The following NAALADL2 variants were observed in gnomAD, a reference collection of about 807,000 sequenced individuals.
NAALADL2 encodes the protein N-acetylated alpha-linked acidic dipeptidase like 2.
NAALADL2 carries 76 observed loss-of-function variants against 87.2 expected under a neutral mutation model. That is an observed-to-expected ratio of 0.87 (90% CI 0.72 to 1.05). The LOEUF (loss-of-function observed/expected upper bound fraction) is 1.05. NAALADL2 is among the 50% of genes least tolerant of loss of function. The pLI is 0.00. For missense variants in NAALADL2, 1,089 were observed against 945.8 expected, an observed-to-expected ratio of 1.15 and a Z score of -1.99; for synonymous variants, 354 against 331.0, an observed-to-expected ratio of 1.07 and a Z score of -0.75.
chr3:175,418,826 T>C (rs982460720), intron 5 of NAALADL2, among the ~76,000 whole-genome samples: 1 of 152,038 alleles, frequency 6.6e-6, no homozygotes, highest in African/African-American at 2.4e-5. Context: ...TCTACAATAG[T>C]TCTGCTTCAG....
chr3:174,964,304 T>C (rs1441775085), intron 1 of NAALADL2, among the ~76,000 whole-genome samples: 1 of 151,906 alleles, frequency 6.6e-6, no homozygotes, highest in Non-Finnish European at 1.5e-5. Flanking sequence ...CAATCAAGAG[T>C]TCTTTGGACA....
intron 2 of NAALADL2, 92 bp downstream of exon 2, chr3:175,097,383 C>T (rs536347584): frequency 8.5e-5 from 101 of 1,192,074 alleles, no homozygotes; most frequent in Admixed American, 2.5e-4. Context: ...TCATGGTTCA[C>T]GTCAGTGTTG....
At chr3:175,701,137 G>A (rs1332025111) in intron 11 of NAALADL2, among the ~76,000 whole-genome samples, 1 of 152,126 alleles carries the variant, frequency 6.6e-6, no homozygotes, top group African/African-American at 2.4e-5. Flanking sequence ...TAGGTTTACA[G>A]TGCAGAAGGA....
intron 2 of NAALADL2, among the ~76,000 whole-genome samples, chr3:174,623,858 A>G (rs912083344): frequency 3.9e-5 from 6 of 152,278 alleles, no homozygotes; most frequent in Admixed American, 6.5e-5. Context: ...TCCTTCTACC[A>G]TGTAAATAGG....
intron 11 of NAALADL2, among the ~76,000 whole-genome samples, chr3:175,646,463 A>C (rs1282963395): frequency 6.6e-6 from 1 of 152,098 alleles, no homozygotes; most frequent in African/African-American, 2.4e-5. Context: ...TTGGGACAAC[A>C]CGTTGCATTT....
At chr3:174,743,349 A>G (rs1733939243) in intron 3 of NAALADL2, among the ~76,000 whole-genome samples, 1 of 151,798 alleles carries the variant, frequency 6.6e-6, no homozygotes, top group East Asian at 1.9e-4. Flanking sequence ...ATTGTAAGTG[A>G]AACCTCTCTG....
At chr3:174,854,817 T>C (rs1357607577), upstream of NAALADL2, among the ~76,000 whole-genome samples, 2 of 150,808 alleles carry the variant, frequency 1.3e-5, no homozygotes, top group African/African-American at 4.9e-5. Flanking sequence ...CATAATTGTA[T>C]GTGCTTTGCT....
intron 11 of NAALADL2, among the ~76,000 whole-genome samples, chr3:175,679,277 T>TAAAAAAAAAAAA: frequency 7.6e-6 from 1 of 132,132 alleles, no homozygotes. Flanking sequence ...AAAGTATAGT[T>TAAAAAAAAAAAA]AAAAAAAAAA....
intron 1 of NAALADL2, among the ~76,000 whole-genome samples, chr3:174,984,473 G>C (rs1166880194): frequency 6.6e-6 from 1 of 151,914 alleles, no homozygotes. Context: ...CATGGTTCTA[G>C]TAACAGCAGC....
intron 9 of NAALADL2, among the ~76,000 whole-genome samples, chr3:175,475,479 T>A (rs2216507): frequency 7.2e-5 from 11 of 152,124 alleles, no homozygotes; most frequent in Non-Finnish European, 1.5e-4. Context: ...TAGAAAAACA[T>A]AATTTGGTCA....
chr3:175,249,062 G>A (rs780802372), intron 3 of NAALADL2, among the ~76,000 whole-genome samples: 17 of 151,910 alleles, frequency 1.1e-4, no homozygotes, highest in Non-Finnish European at 2.2e-4. Context: ...CAACTGAATA[G>A]GAATTAGTAG....
At chr3:175,682,656 A>G (rs16826131) in intron 11 of NAALADL2, among the ~76,000 whole-genome samples, 5,562 of 152,142 alleles carry the variant, frequency 0.037, 327 homozygotes, top group African/African-American at 0.13. Context: ...AAATCAATGC[A>G]TAGCCCCTTA....
chr3:175,108,728 C>T (rs575655541), intron 2 of NAALADL2, among the ~76,000 whole-genome samples: 3 of 151,928 alleles, frequency 2.0e-5, no homozygotes, highest in Non-Finnish European at 4.4e-5. Context: ...CTTATTATAA[C>T]TTCCTTAGGC....
chr3:174,747,316 CAT>C (rs1186360427), intron 3 of NAALADL2, among the ~76,000 whole-genome samples: 1 of 152,046 alleles, frequency 6.6e-6, no homozygotes, highest in Non-Finnish European at 1.5e-5. Context: ...GGCCAAAAAA[CAT>C]ATGAAGAAAA....
At chr3:174,530,628 G>A (rs1721155177) in intron 1 of NAALADL2, among the ~76,000 whole-genome samples, 1 of 152,192 alleles carries the variant, frequency 6.6e-6, no homozygotes, top group Non-Finnish European at 1.5e-5. Flanking sequence ...AGCAGAAGGT[G>A]AAAGGCATGT....
intron 1 of NAALADL2, among the ~76,000 whole-genome samples, chr3:175,018,819 A>T (rs1022912167): frequency 2.6e-5 from 4 of 152,074 alleles, no homozygotes; most frequent in Non-Finnish European, 4.4e-5. Flanking sequence ...CAAATAACGT[A>T]ACCGGTGTTT....
At chr3:174,763,829 C>CAAA (rs5854592) in intron 3 of NAALADL2, among the ~76,000 whole-genome samples, 205 of 138,178 alleles carry the variant, frequency 1.5e-3, no homozygotes, top group African/African-American at 5.2e-3. Flanking sequence ...CAAAACAAAA[C>CAAA]AAAAAAAAAA....
chr3:174,974,558 T>C (rs1020542557), intron 1 of NAALADL2, among the ~76,000 whole-genome samples: 2 of 152,162 alleles, frequency 1.3e-5, no homozygotes, highest in African/African-American at 4.8e-5. Context: ...GACAGGCACA[T>C]AGTAGGAATT....
chr3:175,628,044 T>C (rs750270246), intron 11 of NAALADL2, among the ~76,000 whole-genome samples: 8 of 151,806 alleles, frequency 5.3e-5, no homozygotes, highest in Middle Eastern at 3.4e-3. Context: ...ATCATACTTA[T>C]ATTTTTAACA....
Sources: allele counts gnomAD v4.1 joint callset (sites outside exome capture counted in the v4.1 genomes callset), GRCh38; gene constraint gnomAD v4.1.1; transcripts MANE v1.5; gene names NCBI Gene and HGNC (gene_info 2026-07-23, HGNC 2026-07-21).